The following ASAP1 variants were observed in gnomAD, a reference collection of about 807,000 sequenced individuals.
ASAP1 encodes ArfGAP with SH3 domain, ankyrin repeat and PH domain 1.
ASAP1 carries 43 observed loss-of-function variants against 145.2 expected under a neutral mutation model. That is an observed-to-expected ratio of 0.30 (90% CI 0.23 to 0.38). The LOEUF is 0.38. ASAP1 is among the 10% of genes least tolerant of loss of function. The pLI, the probability that ASAP1 is intolerant of heterozygous loss-of-function variation, is 1.00. For synonymous variants in ASAP1, 546 were observed against 515.5 expected (o/e 1.06, Z -0.80); for missense variants, 1,018 against 1,355.3 (o/e 0.75, Z 3.91).
chr8:130,267,347 T>C (rs1820325573), intron 3 of ASAP1, among the ~76,000 whole-genome samples: 1 of 152,184 alleles, frequency 6.6e-6, no homozygotes. Flanking sequence ...GGGGAATAAA[T>C]GGTATGTTGT....
In ASAP1 at chr8:130,178,708, A is replaced by AC. The variant is rs1267843885; in HGVS notation, c.746+555dup. On this transcript the variant is annotated intron_variant, in intron 9 of 29. Coordinates refer to ENST00000518721, the MANE Select transcript of ASAP1 (RefSeq NM_018482.4). ...AGGCCATCCTGGCCAACACGGTGAG[A>AC]CCCAGTCTCTACTAACAATACAAAA... is the stretch of plus-strand genomic sequence containing the variant. 6.6e-5 allele frequency among the ~76,000 whole-genome samples: 10 copies of AC among 152,076 alleles called. No homozygotes were observed. The East Asian group carries it at 1.9e-3, about 29-fold the overall frequency.
chr8:130,396,063 G>C (rs1001213477), intron 2 of ASAP1, among the ~76,000 whole-genome samples: 10 of 152,148 alleles, frequency 6.6e-5, no homozygotes, highest in African/African-American at 2.4e-4. Context: ...CTCCATCAAA[G>C]CAGAAGCTGT....
At chr8:130,143,148 T>A (rs1347151524) in intron 13 of ASAP1, among the ~76,000 whole-genome samples, 1 of 152,208 alleles carries the variant, frequency 6.6e-6, no homozygotes, top group East Asian at 1.9e-4. Context: ...CAGCATCTCT[T>A]TCAAAAGCTA....
chr8:130,057,139 T>C (rs2097406001), intron 29 of ASAP1, among the ~76,000 whole-genome samples: 1 of 152,208 alleles, frequency 6.6e-6, no homozygotes, highest in African/African-American at 2.4e-5. Context: ...AACTGCAGAC[T>C]GGATTAAGAA....
intron 3 of ASAP1, among the ~76,000 whole-genome samples, chr8:130,276,308 C>A (rs1820878758): frequency 6.6e-6 from 1 of 152,202 alleles, no homozygotes; most frequent in Non-Finnish European, 1.5e-5. Flanking sequence ...CATATACATT[C>A]TGCTACTGTG....
At chr8:130,428,731 CCAA>C (rs1468255224) in intron 1 of ASAP1, among the ~76,000 whole-genome samples, 2 of 150,762 alleles carry the variant, frequency 1.3e-5, no homozygotes, top group African/African-American at 2.4e-5. Flanking sequence ...ATCATCACTA[CCAA>C]CATCACCACC....
intron 3 of ASAP1, among the ~76,000 whole-genome samples, chr8:130,261,695 A>G (rs576506845): frequency 6.6e-6 from 1 of 152,220 alleles, no homozygotes; most frequent in African/African-American, 2.4e-5. Context: ...GAGAGTAAGA[A>G]CTCTGATACA....
At chr8:130,280,401 T>C (rs1325172213) in intron 3 of ASAP1, among the ~76,000 whole-genome samples, 4 of 152,256 alleles carry the variant, frequency 2.6e-5, no homozygotes, top group Non-Finnish European at 5.9e-5. Flanking sequence ...CTACTTGTGA[T>C]AATGGTTATG....
intron 3 of ASAP1, among the ~76,000 whole-genome samples, chr8:130,355,648 A>T (rs1826260403): frequency 6.6e-6 from 1 of 152,202 alleles, no homozygotes; most frequent in Admixed American, 6.5e-5. Context: ...TGGTAATGTT[A>T]AGTCCCATAT....
intron 4 of ASAP1, among the ~76,000 whole-genome samples, chr8:130,229,013 G>A (rs549146897): frequency 6.6e-6 from 1 of 152,252 alleles, no homozygotes; most frequent in Non-Finnish European, 1.5e-5. Flanking sequence ...GAAGATCTGA[G>A]AATATCCTTC....
intron 13 of ASAP1, among the ~76,000 whole-genome samples, chr8:130,151,872 C>T (rs78015686): frequency 8.9e-4 from 136 of 152,312 alleles, no homozygotes; most frequent in African/African-American, 3.2e-3. Flanking sequence ...AGACAGACAC[C>T]CGAGTTTGAA....
chr8:130,287,199 C>G lies in ASAP1; in HGVS notation c.187-50205G>C, dbSNP rs138515156. On this transcript the variant is annotated intron_variant, in intron 3 of 29. Coordinates refer to ENST00000518721, the MANE Select transcript of ASAP1 (RefSeq NM_018482.4). ...GAACTTTACACATTTTTGTATATTGCCTGTCCAAAGCACAGTGCCTGGAAC... is the reference window on the plus strand; with the variant it reads ...GAACTTTACACATTTTTGTATATTGGCTGTCCAAAGCACAGTGCCTGGAAC... Among the ~76,000 whole-genome samples the G allele has an allele frequency of 5.1e-3, 760 of 148,256 alleles. 6 individuals are homozygous for G. The highest frequency in any genetic ancestry group is 0.018 in the African/African-American group (724 of 40,664).
intron 4 of ASAP1, among the ~76,000 whole-genome samples, chr8:130,235,496 T>C (rs1818161430): frequency 6.6e-6 from 1 of 152,088 alleles, no homozygotes; most frequent in African/African-American, 2.4e-5. Context: ...CCCAAAGAGC[T>C]AGTATCAAAC....
chr8:130,141,220 C>T (rs1379507218), intron 13 of ASAP1, among the ~76,000 whole-genome samples: 1 of 152,188 alleles, frequency 6.6e-6, no homozygotes, highest in African/African-American at 2.4e-5. Context: ...TGAGTCCTTG[C>T]TGTTGATTCC....
chr8:130,200,297 T>C (rs1370185593), intron 5 of ASAP1, among the ~76,000 whole-genome samples: 2 of 152,198 alleles, frequency 1.3e-5, no homozygotes, highest in Non-Finnish European at 2.9e-5. Flanking sequence ...AAATATAAGA[T>C]GGGCATTCTA....
In ASAP1 at chr8:130,293,847, G is replaced by C. The variant is rs147766821; in HGVS notation, c.187-56853C>G. Among the ~76,000 whole-genome samples, 57 of 152,298 alleles carry C rather than the reference G, an allele frequency of 3.7e-4. No individual in the cohort carries two copies. The East Asian group carries it at 0.01, about 28-fold the overall frequency. ...GTACAAAGGGAGAAAAGAAATCAAT[G>C]ACTCACCAACATTTACTGAATGTGC... On this transcript the variant is annotated intron_variant, in intron 3 of 29. Transcript: ENST00000518721.
chr8:130,373,109 TATACACACACAC>T lies in ASAP1; in HGVS notation c.60-14978_60-14967del, dbSNP rs1460963267. 1.0e-2 allele frequency among the ~76,000 whole-genome samples: 1,271 copies of T among 127,674 alleles called. 21 individuals carry two copies. Among genetic ancestry groups the T allele is most frequent in the African/African-American group, 0.013 (424 of 33,236 alleles). 83.8% of individuals were successfully genotyped at this position (127,674 alleles called of 152,430 possible). The stretch of plus-strand genomic sequence containing the variant: ...ACCCCCCCACACACACAGAAATACA[TATACACACACAC>T]ACACACACACACACACACACACACA... On this transcript the variant is annotated intron_variant, in intron 2 of 29. Coordinates refer to ENST00000518721, the MANE Select transcript of ASAP1 (RefSeq NM_018482.4).
intron 3 of ASAP1, among the ~76,000 whole-genome samples, chr8:130,314,594 G>A (rs2137580752): frequency 6.6e-6 from 1 of 152,356 alleles, no homozygotes; most frequent in Admixed American, 6.5e-5. Context: ...TGCCAGGCCT[G>A]TTCAGTACCA....
intron 26 of ASAP1, among the ~76,000 whole-genome samples, chr8:130,077,870 G>C (rs917074395): frequency 1.3e-5 from 2 of 151,870 alleles, no homozygotes; most frequent in Admixed American, 6.6e-5. Context: ...CACTAAACAA[G>C]AAACAGTAAA....
Sources: gnomAD v4.1 joint callset for allele counts (sites outside exome capture counted in the v4.1 genomes callset) on GRCh38, gnomAD v4.1.1 for gene constraint, MANE v1.5 for transcripts, NCBI Gene and HGNC (gene_info 2026-07-23, HGNC 2026-07-21) for gene names.